Variants in RPL28 observed in about 807,000 individuals in gnomAD.
RPL28 encodes the protein ribosomal protein L28, also known as large ribosomal subunit protein eL28.
In RPL28, 4 loss-of-function variants were observed where a neutral mutation model predicts 12.5. That is an observed-to-expected ratio of 0.32 (90% CI 0.16 to 0.73). The LOEUF is 0.73. Among genes scored for constraint, RPL28 ranks in the 30% least tolerant of loss-of-function variants. The probability of loss-of-function intolerance (pLI) is 0.66; values close to 1 mark genes in which losing one functional copy is unlikely to be tolerated. For missense variants in RPL28, 214 were observed against 197.7 expected (o/e 1.08, Z -0.49); for synonymous variants, 91 against 72.5 (o/e 1.26, Z -1.30).
downstream of RPL28, among the ~76,000 whole-genome samples, chr19:55,393,307 G>A (rs1284793321): frequency 8.5e-6 from 1 of 117,042 alleles, no homozygotes; most frequent in Non-Finnish European, 1.6e-5. Context: ...GGGCCAGCAA[G>A]GCCCGGGATC....
chr19:55,395,990 A>G (rs756689996), downstream of RPL28, among the ~76,000 whole-genome samples: 5 of 152,054 alleles, frequency 3.3e-5, no homozygotes, highest in Admixed American at 6.6e-5. Context: ...CTTAACAGTA[A>G]CCTTTGTCTG....
chr19:55,395,149 T>TA (rs201225575), downstream of RPL28, among the ~76,000 whole-genome samples: 4 of 151,902 alleles, frequency 2.6e-5, no homozygotes, highest in African/African-American at 7.3e-5. Flanking sequence ...TTTATTTATT[T>TA]TTTTGAGACA....
rs779628047 is a variant in RPL28, at chr19:55,388,235, GC to G, written c.325-3del. ...GGGCTGAGCCTTGCTCTGCTCCCCC[GC>G]CCCCAGGCAGCCATCCGCAGGGCCA... On this transcript the variant is annotated splice_polypyrimidine_tract_variant and splice_region_variant and intron_variant, in intron 4 of 4. Transcript: ENST00000344063. 3.3e-6 allele frequency: 5 copies of G among 1,529,272 alleles called. No homozygotes were observed. Among genetic ancestry groups the G allele is most frequent in the South Asian group, 1.2e-5 (1 of 80,258 alleles). The allele number at this position is 1,529,272 out of a possible 1,614,324, so 94.7% of individuals were successfully genotyped here.
rs2089971813 is a variant in RPL28, at chr19:55,389,703, C to T, written c.*1371C>T. On this transcript the variant is annotated 3_prime_UTR_variant, in exon 5 of 5. Coordinates refer to ENST00000344063, the MANE Select transcript of RPL28 (RefSeq NM_000991.5). ...GAGCAGATCTGACCACTTGCCAGCC[C>T]CTGTCTGCTGTGAATTACCATTTCC... 1 of 985,462 alleles carries T rather than the reference C, an allele frequency of 1.0e-6. No homozygotes were observed. The highest frequency in any genetic ancestry group is 1.7e-5 in the African/African-American group (1 of 57,238). The allele number at this position is 985,462 out of a possible 1,614,324, so 61.0% of individuals were successfully genotyped here. A position where few individuals can be genotyped will look rare whatever the true frequency, so the allele number is the denominator to read the frequency against.
At chr19:55,401,745 C>G in intron 4 of RPL28, 1 of 1,613,294 alleles carries the variant, frequency 6.2e-7, no homozygotes, top group African/African-American at 1.3e-5. Flanking sequence ...TAGGGTGGAT[C>G]AGCAGGCACT....
In RPL28 at chr19:55,386,577, A is replaced by G. The variant is rs1427400523; in HGVS notation, c.89A>G (p.Asn30Ser). The change falls in exon 3 of 5, where the codon AAT (asparagine) becomes AGT (serine). Residue 30 changes from asparagine (N) to serine (S), a missense_variant. Coordinates refer to ENST00000344063, the MANE Select transcript of RPL28 (RefSeq NM_000991.5). ...GTGCCGCCTCCTTCCCAGGAGCCCAATAACTTGAAGGCCCGCAATTCCTTC... is the reference window on the plus strand; with the variant it reads ...GTGCCGCCTCCTTCCCAGGAGCCCAGTAACTTGAAGGCCCGCAATTCCTTC... Reference protein sequence around the residue: ...RNKQTYSTEPNNLKARNSFRY... With the variant: ...RNKQTYSTEPSNLKARNSFRY... 1.4e-5 allele frequency: 22 copies of G among 1,606,642 alleles called. No homozygotes were observed. The highest frequency in any genetic ancestry group is 1.8e-5 in the Non-Finnish European group (21 of 1,174,020).
intron 3 of RPL28, chr19:55,387,388 C>G (rs2089942581): frequency 3.9e-6 from 6 of 1,550,842 alleles, no homozygotes; most frequent in Non-Finnish European, 5.2e-6. Context: ...ATCCTCCTGT[C>G]TCAGGGACAC....
At chr19:55,401,808 G>A (rs755954943) in intron 4 of RPL28, 2 of 1,603,472 alleles carry the variant, frequency 1.2e-6, no homozygotes, top group Non-Finnish European at 1.7e-6. Context: ...CAACCTACAG[G>A]GACCCCCAGG....
chr19:55,401,910 ATCT>A, intron 4 of RPL28: 2 of 673,512 alleles, frequency 3.0e-6, no homozygotes, highest in Admixed American at 7.9e-5. Context: ...ATCCTCCCTC[ATCT>A]TTGCTCCTGT....
rs1209123011 is a variant in RPL28 at position 55,390,232 on chromosome 19, T to C, written c.*1900T>C. The stretch of plus-strand genomic sequence containing the variant: ...CTGGAGACTTTCTGGAGATGGAGTC[T>C]CGCTCTGTTGCCCAGGCTGGCGAGT... On this transcript the variant is annotated 3_prime_UTR_variant, in exon 5 of 5. Coordinates refer to ENST00000344063, the MANE Select transcript of RPL28 (RefSeq NM_000991.5). 4 of 983,600 alleles carry C rather than the reference T, an allele frequency of 4.1e-6. No individual in the cohort carries two copies. The highest frequency in any genetic ancestry group is 6.1e-5 in the Admixed American group (1 of 16,268). The allele number at this position is 983,600 out of a possible 1,614,324, so 60.9% of individuals were successfully genotyped here.
chr19:55,394,103 A>G (rs1310278733), downstream of RPL28, among the ~76,000 whole-genome samples: 1 of 152,068 alleles, frequency 6.6e-6, no homozygotes, highest in Non-Finnish European at 1.5e-5. Flanking sequence ...TATACTAAAA[A>G]TACTAAAAAC....
At chr19:55,392,593 C>T (rs901143621), downstream of RPL28, among the ~76,000 whole-genome samples, 12 of 149,990 alleles carry the variant, frequency 8.0e-5, no homozygotes, top group South Asian at 4.2e-4. Context: ...AGTGCAGTGG[C>T]GCGACCTCGG....
intron 3 of RPL28, 153 bp from the exon 4 acceptor site, chr19:55,387,777 A>G (rs2089947119): frequency 2.0e-6 from 3 of 1,464,120 alleles, no homozygotes; most frequent in African/African-American, 1.4e-5. Flanking sequence ...TGAAATGGAC[A>G]GGTGGGAAAA....
At position 55,388,812 on chromosome 19, in the gene RPL28, T is replaced by C; in HGVS notation, c.*480T>C. 1 of 989,052 alleles carries C rather than the reference T, an allele frequency of 1.0e-6. No individual in the cohort carries two copies. Among genetic ancestry groups the C allele is most frequent in the Non-Finnish European group, 1.2e-6 (1 of 832,672 alleles). The allele number at this position is 989,052 out of a possible 1,614,324, so 61.3% of individuals were successfully genotyped here. On this transcript the variant is annotated 3_prime_UTR_variant, in exon 5 of 5. Transcript: ENST00000344063. ...TGAGATGACTTTTGCATCCAGGGAG[T>C]GGGTGCAGCCACATTTGGAGGGGAT...
At position 55,389,392 on chromosome 19, in the gene RPL28, C is replaced by A. The variant is rs964952356; in HGVS notation, c.*1060C>A. On this transcript the variant is annotated 3_prime_UTR_variant, in exon 5 of 5. Transcript: ENST00000344063. The stretch of plus-strand genomic sequence containing the variant: ...ATGGGGAAAGAGTCCTGCTGTTGAT[C>A]CTCACATGTTTCCTGGGCACCTAAC... 1 of 985,274 alleles carries A rather than the reference C, an allele frequency of 1.0e-6. No individual in the cohort carries two copies. Among genetic ancestry groups the A allele is most frequent in the Non-Finnish European group, 1.2e-6 (1 of 829,926 alleles). The allele number at this position is 985,274 out of a possible 1,614,324, so 61.0% of individuals were successfully genotyped here.
At chr19:55,400,323 T>TA (rs2123304588) in intron 4 of RPL28, 1 of 152,340 alleles carries the variant, frequency 6.6e-6, no homozygotes, top group East Asian at 1.9e-4. Flanking sequence ...GGCCTATTTT[T>TA]AATTTTTTTA....
chr19:55,401,329 C>T (rs2090055915), intron 4 of RPL28: 1 of 973,196 alleles, frequency 1.0e-6, no homozygotes, highest in Non-Finnish European at 1.5e-6. Context: ...TCCCAGTGCC[C>T]CCTGTACCCT....
At position 55,390,826 on chromosome 19, in the gene RPL28, T is replaced by G. The variant is rs11540464; in HGVS notation, c.*2494T>G. 1.0e-6 allele frequency: 1 copy of G among 985,202 alleles called. No individual in the cohort carries two copies. Among genetic ancestry groups the G allele is most frequent in the African/African-American group, 1.7e-5 (1 of 57,190 alleles). 61.0% of individuals were successfully genotyped at this position (985,202 alleles called of 1,614,324 possible). Reference sequence around the variant, plus strand: ...GGTCTCAGCCCCACAGAGTTTGGAGTCCTCAGTGTGCTGAGCAAACGTGGA... The same window carrying G: ...GGTCTCAGCCCCACAGAGTTTGGAGGCCTCAGTGTGCTGAGCAAACGTGGA... On this transcript the variant is annotated 3_prime_UTR_variant, in exon 5 of 5. Transcript: ENST00000344063.
intron 4 of RPL28, among the ~76,000 whole-genome samples, chr19:55,402,245 T>C (rs966038253): frequency 6.6e-6 from 1 of 152,224 alleles, no homozygotes; most frequent in Non-Finnish European, 1.5e-5. Flanking sequence ...CACCTGCGTG[T>C]TGGACTCTAA....
Sources: gnomAD v4.1 joint callset for allele counts (sites outside exome capture counted in the v4.1 genomes callset) on GRCh38, gnomAD v4.1.1 for gene constraint, MANE v1.5 for transcripts, NCBI Gene and HGNC (gene_info 2026-07-23, HGNC 2026-07-21) for gene names.